Variants in BRD2 observed in about 807,000 individuals in gnomAD.
BRD2 encodes bromodomain containing 2.
BRD2 carries 15 observed loss-of-function variants against 79.1 expected under a neutral mutation model. The observed-to-expected ratio is 0.19, with a 90% confidence interval of 0.13 to 0.29. The LOEUF is 0.29. BRD2 is among the 10% of genes least tolerant of loss of function. BRD2 has a pLI of 1.00. For missense variants in BRD2, 1,053 were observed against 991.3 expected, an observed-to-expected ratio of 1.06 and a Z score of -0.84; for synonymous variants, 488 against 358.6, an observed-to-expected ratio of 1.36 and a Z score of -4.08.
In BRD2 at chr6:32,981,038, T is replaced by G; in HGVS notation, c.*320T>G. 2 of 325,028 alleles carry G rather than the reference T, an allele frequency of 6.2e-6. No homozygotes were observed. The highest frequency in any genetic ancestry group is 5.9e-6 in the Non-Finnish European group (1 of 170,922). The allele number at this position is 325,028 out of a possible 1,614,324, so 20.1% of individuals were successfully genotyped here. On this transcript the variant is annotated 3_prime_UTR_variant, in exon 13 of 13. Transcript: ENST00000374825. ...GTTACCTGAGGCCACAGCTGCCCTA[T>G]TCACTTCTAAGGGCCCTGTTTTGAG...
chr6:32,976,880 G>C lies in BRD2; in HGVS notation c.1144G>C (p.Gly382Arg). 6.2e-7 allele frequency: 1 copy of C among 1,613,036 alleles called. No individual in the cohort carries two copies. Among genetic ancestry groups the C allele is most frequent in the South Asian group, 1.1e-5 (1 of 91,082 alleles). ...TAAACCAGTGGATGCTTCTGCACTT[G>C]GCCTGCATGACTACCATGACATCAT... ...FYKPVDASAL[G>R]LHDYHDIIKH... Residue 382 changes from glycine to arginine, a missense_variant, in exon 7 of 13, where the codon GGC (glycine) becomes CGC (arginine). By Grantham distance (125) the Gly-to-Arg change is moderately radical (BLOSUM62 -2). Coordinates refer to ENST00000374825, the MANE Select transcript of BRD2 (RefSeq NM_005104.4).
Position 32,978,255 on chromosome 6 carries a change from G to C in BRD2, c.1708G>C (p.Asp570His). Residue 570 changes from aspartate (D) to histidine (H), a missense_variant, in exon 10 of 13, where the codon GAT (aspartate) becomes CAT (histidine). Physicochemically the swap from Asp to His is moderately conservative, Grantham distance 81. This residue lies in a region of BRD2 where 454 missense variants were observed against 430.5 expected (regional missense o/e 1.05). Coordinates refer to ENST00000374825, the MANE Select transcript of BRD2 (RefSeq NM_005104.4). The part of the protein sequence containing the change: ...AEKHRGRAGA[D>H]EDDKGPRAPR... Reference sequence around the variant, plus strand: ...GAAGCATCGAGGCCGAGCTGGGGCCGATGAAGATGACAAGGGGCCTAGGGC... The same window carrying C: ...GAAGCATCGAGGCCGAGCTGGGGCCCATGAAGATGACAAGGGGCCTAGGGC... 18 of 1,613,044 alleles carry C rather than the reference G, an allele frequency of 1.1e-5. No homozygotes were observed. Among genetic ancestry groups the C allele is most frequent in the Non-Finnish European group, 1.5e-5 (18 of 1,180,024 alleles).
chr6:32,977,429 C>T lies in BRD2; in HGVS notation c.1201-13C>T, dbSNP rs575934698. The T allele has an allele frequency of 6.2e-7, 1 of 1,613,730 alleles. No individual in the cohort carries two copies. Among genetic ancestry groups the T allele is most frequent in the East Asian group, 2.2e-5 (1 of 44,888 alleles). ...CCTGCCTGTGCAGCTTCTGATGCTG[C>T]CTCCTTCTGCAGCGGAAGATGGAGA... is the stretch of plus-strand genomic sequence containing the variant. On this transcript the variant is annotated splice_polypyrimidine_tract_variant and intron_variant, in intron 7 of 12. Transcript: ENST00000374825.
chr6:32,971,585 C>G lies in BRD2; in HGVS notation c.-1304-10C>G, dbSNP rs1192586955. Reference sequence around the variant, plus strand: ...CGGCTTCTAAGATGGCGTCTTTTTCCTCGTTTCAGATTCTTCGCTGCTGCT... The same window carrying G: ...CGGCTTCTAAGATGGCGTCTTTTTCGTCGTTTCAGATTCTTCGCTGCTGCT... On this transcript the variant is annotated splice_polypyrimidine_tract_variant and intron_variant, in intron 1 of 12. Coordinates refer to ENST00000374825, the MANE Select transcript of BRD2 (RefSeq NM_005104.4). The G allele has an allele frequency of 2.2e-6, 1 of 455,112 alleles. No individual in the cohort carries two copies. The highest frequency in any genetic ancestry group is 3.9e-6 in the Non-Finnish European group (1 of 258,502). The allele number at this position is 455,112 out of a possible 1,614,324, so 28.2% of individuals were successfully genotyped here. A position where few individuals can be genotyped will look rare whatever the true frequency, so the allele number is the denominator to read the frequency against.
At chr6:32,969,785 A>G (rs1367359673) in intron 1 of BRD2, among the ~76,000 whole-genome samples, 2 of 152,134 alleles carry the variant, frequency 1.3e-5, no homozygotes, top group Admixed American at 6.5e-5. Flanking sequence ...TCTAGACAGC[A>G]TGGTCTGAGA....
At chr6:32,973,308 G>A (rs1778285959) in intron 2 of BRD2, among the ~76,000 whole-genome samples, 1 of 152,190 alleles carries the variant, frequency 6.6e-6, no homozygotes, top group East Asian at 1.9e-4. Flanking sequence ...CTAGCGCCCT[G>A]TAGGGTTGCC....
rs1274797699 is a variant in BRD2 at position 32,977,963 on chromosome 6, A to G, written c.1536A>G (p.Ser512=). ...AAGAAGAGAGTGAAAGCTCAGACTC[A>G]GAGGAAGAAAGGGCTCATCGCTTAG... ...EEEEESESSD[S]EEERAHRLAE... The change falls in exon 9 of 13, where the codon TCA becomes TCG. Residue 512 remains serine, a synonymous_variant. Transcript: ENST00000374825. 1.1e-5 allele frequency: 17 copies of G among 1,611,878 alleles called. No individual in the cohort carries two copies. The highest frequency in any genetic ancestry group is 3.3e-5 in the Admixed American group (2 of 60,014).
intron 10 of BRD2, chr6:32,979,557 A>G (rs1017649707): frequency 4.4e-6 from 2 of 452,916 alleles, no homozygotes; most frequent in South Asian, 4.6e-5. Context: ...TTTTTCCAAC[A>G]TGTTTGTGTG....
chr6:32,971,222 G>A (rs201644277), intron 1 of BRD2: 15 of 185,418 alleles, frequency 8.1e-5, no homozygotes, highest in African/African-American at 1.4e-4. Context: ...ATTGTATAGG[G>A]TAGATGGATG....
Position 32,976,058 on chromosome 6 carries a change from C to G in BRD2, c.499C>G (p.Gln167Glu), listed in dbSNP as rs1778703006. ...CACTGATGATATTGTCCTAATGGCA[C>G]AAACGCTGGAAAAGATATTCCTACA... ...KPTDDIVLMA[Q>E]TLEKIFLQKV... The change falls in exon 5 of 13, where the codon CAA becomes GAA. Residue 167 changes from glutamine to glutamate, a missense_variant. Gln to Glu is a conservative substitution (Grantham distance 29). This residue lies in a region of BRD2 where 413 missense variants were observed against 335.1 expected (regional missense o/e 1.23). Coordinates refer to ENST00000374825, the MANE Select transcript of BRD2 (RefSeq NM_005104.4). 1 of 1,611,524 alleles carries G rather than the reference C, an allele frequency of 6.2e-7. No homozygotes were observed. Among genetic ancestry groups the G allele is most frequent in the Non-Finnish European group, 8.5e-7 (1 of 1,179,474 alleles).
chr6:32,976,299 T>G lies in BRD2; in HGVS notation c.660T>G (p.Ser220=). Residue 220 remains serine (S), a synonymous_variant, in exon 6 of 13, where the codon TCT becomes TCG. Transcript: ENST00000374825. Reference sequence around the variant, plus strand: ...CCCATCAGGTGCCTGCCGTCTCTTCTGTGTCACACACAGCCCTGTATACTC... The same window carrying G: ...CCCATCAGGTGCCTGCCGTCTCTTCGGTGTCACACACAGCCCTGTATACTC... ...TSAHQVPAVS[S]VSHTALYTPP... is the part of the protein sequence containing the mutation. 6.2e-7 allele frequency: 1 copy of G among 1,613,110 alleles called. No homozygotes were observed. The highest frequency in any genetic ancestry group is 1.6e-4 in the Middle Eastern group (1 of 6,062).
At position 32,977,943 on chromosome 6, in the gene BRD2, G is replaced by C. The variant is rs763370783; in HGVS notation, c.1516G>C (p.Glu506Gln). The change falls in exon 9 of 13, where the codon GAG becomes CAG. Residue 506 changes from glutamate to glutamine, a missense_variant. Glu to Gln is a conservative substitution (Grantham distance 29). Around this residue, in one of 5 missense-constraint regions of BRD2, gnomAD observed 454 missense variants for 430.5 expected, o/e 1.05. Transcript: ENST00000374825. ...AGATGAGGAGGACGAGGAGGAAGAA[G>C]AGAGTGAAAGCTCAGACTCAGAGGA... ...EEDEEDEEEEESESSDSEEER... is the reference protein window; with the variant it reads ...EEDEEDEEEEQSESSDSEEER... 1.9e-6 allele frequency: 3 copies of C among 1,612,594 alleles called. No individual in the cohort carries two copies.
Position 32,976,417 on chromosome 6 carries a change from C to T in BRD2, c.778C>T (p.Pro260Ser). 4.3e-6 allele frequency: 7 copies of T among 1,612,340 alleles called. No homozygotes were observed. Among genetic ancestry groups the T allele is most frequent in the Non-Finnish European group, 5.9e-6 (7 of 1,180,034 alleles). Residue 260 changes from proline to serine, a missense_variant, in exon 6 of 13, where the codon CCG becomes TCG. Physicochemically the swap from Pro to Ser is moderately conservative, Grantham distance 74. Coordinates refer to ENST00000374825, the MANE Select transcript of BRD2 (RefSeq NM_005104.4). ...CAAGTCCTTGCACTCTGCTGGACCC[C>T]CGCTCCTTGCTGTTACTGCAGCTCC... is the stretch of plus-strand genomic sequence containing the variant. ...LLKSLHSAGP[P>S]LLAVTAAPPA...
Position 32,977,500 on chromosome 6 carries a change from T to A in BRD2, c.1259T>A (p.Leu420His). ...CAGGAGTTTGCTGCTGATGTACGGC[T>A]TATGTTCTCCAACTGCTATAAGTAC... ...DAQEFAADVR[L>H]MFSNCYKYNP... The change falls in exon 8 of 13, where the codon CTT (leucine) becomes CAT (histidine). Residue 420 changes from leucine to histidine, a missense_variant. Transcript: ENST00000374825. 6.2e-7 allele frequency: 1 copy of A among 1,614,072 alleles called. No individual in the cohort carries two copies. Among genetic ancestry groups the A allele is most frequent in the Non-Finnish European group, 8.5e-7 (1 of 1,180,040 alleles).
intron 2 of BRD2, 165 bp downstream of exon 2, chr6:32,973,092 G>A (rs767840665): frequency 1.9e-6 from 3 of 1,569,632 alleles, no homozygotes; most frequent in Non-Finnish European, 2.6e-6. Context: ...TTGGAACGGT[G>A]GTGGCGGCTC....
At position 32,971,976 on chromosome 6, in the gene BRD2, A is replaced by G. The variant is rs143541374; in HGVS notation, c.-923A>G. ...GCGGCACTCTTCTGCCTGGTGACTG[A>G]CACCTTGGAAATGAAGTTTATGACG... On this transcript the variant is annotated 5_prime_UTR_variant, in exon 2 of 13. It removes the in-frame stop codon of an upstream open reading frame in the 5' UTR. Coordinates refer to ENST00000374825, the MANE Select transcript of BRD2 (RefSeq NM_005104.4). 2.8e-6 allele frequency: 2 copies of G among 702,636 alleles called. No individual in the cohort carries two copies. Among genetic ancestry groups the G allele is most frequent in the African/African-American group, 3.5e-5 (2 of 57,218 alleles). The allele number at this position is 702,636 out of a possible 1,614,324, so 43.5% of individuals were successfully genotyped here. A position where few individuals can be genotyped will look rare whatever the true frequency, so the allele number is the denominator to read the frequency against.
At position 32,974,692 on chromosome 6, in the gene BRD2, T is replaced by C; in HGVS notation, c.260T>C (p.Met87Thr). The C allele has an allele frequency of 8.1e-6, 13 of 1,614,206 alleles. No homozygotes were observed. The highest frequency in any genetic ancestry group is 1.1e-5 in the Non-Finnish European group (13 of 1,180,042). ...CTGCAATACCTACACAAGGTAGTGA[T>C]GAAGGCTCTGTGGAAACATCAGTTC... The part of the protein sequence containing the change: ...NQLQYLHKVV[M>T]KALWKHQFAW... The change falls in exon 3 of 13, where the codon ATG becomes ACG. Residue 87 changes from methionine (M) to threonine (T), a missense_variant. Physicochemically the swap from Met to Thr is moderately conservative, Grantham distance 81. This residue lies in a region of BRD2 where 413 missense variants were observed against 335.1 expected (regional missense o/e 1.23). Coordinates refer to ENST00000374825, the MANE Select transcript of BRD2 (RefSeq NM_005104.4).
intron 10 of BRD2, chr6:32,978,801 G>A (rs1007185412): frequency 5.7e-6 from 1 of 176,008 alleles, no homozygotes; most frequent in African/African-American, 2.7e-5. Flanking sequence ...GTACTGGTCT[G>A]GGGGTTGGGA....
chr6:32,975,260 AAC>A, intron 3 of BRD2, 122 bp from the exon 4 acceptor site: 1 of 1,116,082 alleles, frequency 9.0e-7, no homozygotes, highest in African/African-American at 1.7e-5. Context: ...CAGTTTAAGT[AAC>A]TGTTCCTTTG....
Sources: allele counts gnomAD v4.1 joint callset (sites outside exome capture counted in the v4.1 genomes callset), GRCh38; gene constraint gnomAD v4.1.1; regional missense constraint gnomAD v4.1.1; transcripts MANE v1.5; gene names NCBI Gene and HGNC (gene_info 2026-07-23, HGNC 2026-07-21).